The following SLC13A5 variants were observed in gnomAD, a reference collection of about 807,000 sequenced individuals.
SLC13A5 encodes the protein Na(+)/citrate cotransporter.
SLC13A5 carries 25 observed loss-of-function variants against 56.5 expected under a neutral mutation model. The observed-to-expected ratio is 0.44, with a 90% CI of 0.32 to 0.62. The LOEUF (loss-of-function observed/expected upper bound fraction) is 0.62, where lower values mean the gene tolerates loss of function less well. Among genes scored for constraint, SLC13A5 ranks in the 20% least tolerant of loss-of-function variants. The probability of loss-of-function intolerance (pLI) is 0.04; values close to 1 mark genes in which losing one functional copy is unlikely to be tolerated. For synonymous variants in SLC13A5, 307 were observed against 301.5 expected (o/e 1.02, Z -0.19); for missense variants, 649 against 737.8 (o/e 0.88, Z 1.39).
chr17:6,700,703 G>A (rs947094375), intron 6 of SLC13A5, among the ~76,000 whole-genome samples: 5 of 152,192 alleles, frequency 3.3e-5, no homozygotes, highest in East Asian at 1.9e-4. Flanking sequence ...CCCAGGGGCC[G>A]CTCAGAGATG....
At chr17:6,686,888 T>C (rs1005123269) in intron 11 of SLC13A5, 1 of 156,756 alleles carries the variant, frequency 6.4e-6, no homozygotes, top group African/African-American at 2.4e-5. Flanking sequence ...GTCCCTGAGA[T>C]ACCCAGCAGA....
At chr17:6,709,771 T>C (rs1370820171) in intron 1 of SLC13A5, among the ~76,000 whole-genome samples, 1 of 152,116 alleles carries the variant, frequency 6.6e-6, no homozygotes, top group Non-Finnish European at 1.5e-5. Context: ...AAATAAATCT[T>C]TTTTCAGCAT....
At chr17:6,689,969 C>CTTGA (rs1827878684) in intron 10 of SLC13A5, 1 of 143,444 alleles carries the variant, frequency 7.0e-6, no homozygotes, top group Non-Finnish European at 1.5e-5. Context: ...GATCCCACAT[C>CTTGA]TTGAACTCGG....
At chr17:6,686,362 C>A (rs757972701) in intron 11 of SLC13A5, 24 bp from the exon 12 acceptor site, 1 of 1,613,806 alleles carries the variant, frequency 6.2e-7, no homozygotes, top group South Asian at 1.1e-5. Flanking sequence ...AGAGTCAGCA[C>A]CCTGAGGCCT....
intron 5 of SLC13A5, among the ~76,000 whole-genome samples, chr17:6,702,501 C>T (rs970724415): frequency 6.6e-6 from 1 of 152,204 alleles, no homozygotes; most frequent in Admixed American, 6.5e-5. Context: ...ACCTCGGATG[C>T]CATGGGGCCA....
intron 1 of SLC13A5, among the ~76,000 whole-genome samples, chr17:6,710,180 C>A (rs564065742): frequency 6.6e-6 from 1 of 152,336 alleles, no homozygotes; most frequent in African/African-American, 2.4e-5. Context: ...CGGGGTGTAC[C>A]CTGGGCAGGC....
intron 1 of SLC13A5, among the ~76,000 whole-genome samples, chr17:6,710,026 A>G (rs1973978026): frequency 1.3e-5 from 2 of 152,216 alleles, no homozygotes; most frequent in South Asian, 2.1e-4. Flanking sequence ...GAAAGGGTCA[A>G]TGCTGGTTGA....
At chr17:6,709,905 C>G (rs748987762) in intron 1 of SLC13A5, among the ~76,000 whole-genome samples, 3 of 152,164 alleles carry the variant, frequency 2.0e-5, no homozygotes, top group Non-Finnish European at 2.9e-5. Context: ...TTTAGAGCAC[C>G]GCTGGCCTCC....
rs80146610 is a variant in SLC13A5, at chr17:6,709,686, G to A, written c.103-2530C>T. Among the ~76,000 whole-genome samples, 743 of 152,288 alleles carry A rather than the reference G, an allele frequency of 4.9e-3. 8 individuals carry two copies. Among genetic ancestry groups the A allele is most frequent in the African/African-American group, 0.016 (675 of 41,562 alleles). On this transcript the variant is annotated intron_variant, in intron 1 of 11. Transcript: ENST00000433363. ...CCTGCTTCTCATCACCCAGAAGAGC[G>A]TATGTATTATTTGCACAAAACAGTG... is the stretch of plus-strand genomic sequence containing the variant.
At chr17:6,704,970 G>A (rs916345987) in intron 3 of SLC13A5, 2 of 152,348 alleles carry the variant, frequency 1.3e-5, no homozygotes, top group African/African-American at 4.8e-5. Flanking sequence ...ACATGCCCCA[G>A]CTGTCCAAGG....
At position 6,703,044 on chromosome 17, in the gene SLC13A5, G is replaced by A. The variant is rs148755614; in HGVS notation, c.642C>T (p.Tyr214=). The A allele has an allele frequency of 3.9e-4, 636 of 1,614,200 alleles. 1 individual carries two copies. Among genetic ancestry groups the A allele is most frequent in the South Asian group, 9.1e-4 (83 of 91,086 alleles). Residue 214 remains tyrosine, a synonymous_variant, in exon 5 of 12, where the codon TAC becomes TAT. Coordinates refer to ENST00000433363, the MANE Select transcript of SLC13A5 (RefSeq NM_177550.5). ...LCKAMTLCIC[Y]AASIGGTATL... is the part of the protein sequence containing the mutation. ...TGGCGGTGCCCCCGATGCTGGCCGC[G>A]TAGCAGATGCACAGGGTCATGGCCT...
At chr17:6,700,861 G>T in intron 6 of SLC13A5, 143 bp downstream of exon 6, 1 of 1,221,872 alleles carries the variant, frequency 8.2e-7, no homozygotes. Context: ...GGAACAGGAG[G>T]GCAGACTAGC....
At chr17:6,702,317 G>A (rs551671580) in intron 5 of SLC13A5, among the ~76,000 whole-genome samples, 25 of 152,210 alleles carry the variant, frequency 1.6e-4, no homozygotes, top group Admixed American at 7.8e-4. Context: ...TGACTACCCC[G>A]CGGCAGGGCC....
intron 3 of SLC13A5, chr17:6,705,046 G>A (rs1008275972): frequency 2.0e-5 from 3 of 152,774 alleles, no homozygotes; most frequent in African/African-American, 7.2e-5. Context: ...CTCCTCCTCA[G>A]GGCTCCTAAT....
At chr17:6,702,468 C>A (rs909666163) in intron 5 of SLC13A5, among the ~76,000 whole-genome samples, 2 of 152,228 alleles carry the variant, frequency 1.3e-5, no homozygotes, top group Non-Finnish European at 2.9e-5. Context: ...TGACCCAACC[C>A]CAGCCCTTCA....
At chr17:6,686,718 G>T (rs1240785316) in intron 11 of SLC13A5, 2 of 213,692 alleles carry the variant, frequency 9.4e-6, no homozygotes, top group East Asian at 2.0e-4. Context: ...CTTCCCTGTG[G>T]ACCTCCTCAG....
intron 6 of SLC13A5, among the ~76,000 whole-genome samples, chr17:6,700,508 A>C (rs1295267254): frequency 6.6e-6 from 1 of 152,244 alleles, no homozygotes; most frequent in Non-Finnish European, 1.5e-5. Context: ...CACGGCAAAG[A>C]GGAAGCTTGT....
In SLC13A5 at chr17:6,687,790, C is replaced by T. The variant is rs1973290884; in HGVS notation, c.1438-124G>A. The T allele has an allele frequency of 8.0e-7, 1 of 1,249,692 alleles. No homozygotes were observed. Among genetic ancestry groups the T allele is most frequent in the Non-Finnish European group, 1.1e-6 (1 of 949,400 alleles). 77.4% of individuals were successfully genotyped at this position (1,249,692 alleles called of 1,614,324 possible). ...AACCTCTGTGCCTCAGTCTTGGTTC[C>T]TCTCCCTTTTGCCACGTCTCTGGCA... is the stretch of plus-strand genomic sequence containing the variant. On this transcript the variant is annotated intron_variant, in intron 10 of 11. Transcript: ENST00000433363. This position sits in a 1 kb window ranked among gnomAD's most constrained non-coding sequence, Gnocchi z 5.0.
chr17:6,706,728 G>A lies in SLC13A5; in HGVS notation c.282C>T (p.Leu94=). 1.2e-6 allele frequency: 2 copies of A among 1,614,060 alleles called. No homozygotes were observed. Among genetic ancestry groups the A allele is most frequent in the African/African-American group, 1.3e-5 (1 of 75,048 alleles). Residue 94 remains leucine, a synonymous_variant, in exon 3 of 12, where the codon CTC becomes CTT. Coordinates refer to ENST00000433363, the MANE Select transcript of SLC13A5 (RefSeq NM_177550.5). The stretch of plus-strand genomic sequence containing the variant: ...AGCGCTCCACAGCCACGGCCACGAT[G>A]AGGCCGCCCAGGAACAGCATGTTGG... ...KDTNMLFLGG[L]IVAVAVERWN... is the part of the protein sequence containing the mutation.
Sources: allele counts gnomAD v4.1 joint callset (sites outside exome capture counted in the v4.1 genomes callset), GRCh38; gene constraint gnomAD v4.1.1; non-coding constraint Gnocchi (gnomAD v3.1); transcripts MANE v1.5; gene names NCBI Gene and HGNC (gene_info 2026-07-23, HGNC 2026-07-21).